CCDC146: variants seen among roughly 807,000 people sequenced by gnomAD.
CCDC146 encodes the protein coiled-coil domain-containing protein 146.
Under a neutral mutation model 119.3 loss-of-function variants are expected in CCDC146, and 92 were observed. The ratio of observed to expected loss-of-function variants is 0.77; its 90% CI spans 0.65 to 0.92. CCDC146 has a LOEUF of 0.92. Among genes scored for constraint, CCDC146 ranks in the 40% least tolerant of loss-of-function variants. CCDC146 has a pLI of 0.00. For missense variants in CCDC146, 1,000 were observed against 1,103.0 expected (o/e 0.91, Z 1.32); for synonymous variants, 372 against 371.8 (o/e 1.00, Z -0.01).
intron 11 of CCDC146, among the ~76,000 whole-genome samples, chr7:77,277,101 G>A (rs1383559454): frequency 6.6e-6 from 1 of 151,804 alleles, no homozygotes; most frequent in Non-Finnish European, 1.5e-5. Flanking sequence ...TAAGAAGGAA[G>A]GAAGGGAGGG....
chr7:77,160,377 G>T (rs1791242704), intron 1 of CCDC146, among the ~76,000 whole-genome samples: 2 of 152,130 alleles, frequency 1.3e-5, no homozygotes, highest in African/African-American at 4.8e-5. Flanking sequence ...CCATTTTCAT[G>T]ATATTGATTC....
intron 12 of CCDC146, 34 bp from the exon 13 acceptor site, chr7:77,278,903 C>A: frequency 1.2e-6 from 2 of 1,601,070 alleles, no homozygotes; most frequent in South Asian, 2.2e-5. Context: ...ATGTTCATTT[C>A]ATAAGTTTCA....
chr7:77,261,527 G>A (rs1364058401), intron 8 of CCDC146, among the ~76,000 whole-genome samples: 1 of 152,048 alleles, frequency 6.6e-6, no homozygotes, highest in African/African-American at 2.4e-5. Flanking sequence ...CCGGACTGCG[G>A]ACTGCAGTGG....
intron 9 of CCDC146, among the ~76,000 whole-genome samples, chr7:77,262,986 C>T (rs987063930): frequency 4.0e-5 from 6 of 151,726 alleles, no homozygotes; most frequent in South Asian, 2.1e-4. Flanking sequence ...CTTCCTTGAG[C>T]GAAAAAGGGG....
chr7:77,278,834 A>T lies in CCDC146; in HGVS notation c.1523A>T (p.Tyr508Phe), dbSNP rs1458929576. 1.2e-6 allele frequency: 2 copies of T among 1,610,898 alleles called. No individual in the cohort carries two copies. Among genetic ancestry groups the T allele is most frequent in the South Asian group, 2.2e-5 (2 of 90,866 alleles). The change falls in exon 12 of 19, where the codon TAT becomes TTT. Residue 508 changes from tyrosine (Y) to phenylalanine (F), a missense_variant. This residue lies in a region of CCDC146 where 985 missense variants were observed against 1,045.3 expected (regional missense o/e 0.94). Coordinates refer to ENST00000285871, the MANE Select transcript of CCDC146 (RefSeq NM_020879.3). ...RIHKKKKCEI[Y>F]RRLREFAKLY... ...CACAAGAAGAAAAAATGTGAAATTT[A>T]TCGGAGGTAAAGTAATTATGTGGTG... is the stretch of plus-strand genomic sequence containing the variant.
At chr7:77,170,105 T>C (rs1478146118) in intron 2 of CCDC146, among the ~76,000 whole-genome samples, 2 of 152,256 alleles carry the variant, frequency 1.3e-5, no homozygotes, top group African/African-American at 4.8e-5. Flanking sequence ...CGGTAGGTAG[T>C]TTTTCAACCC....
chr7:77,219,334 A>T (rs1228375679), intron 2 of CCDC146, among the ~76,000 whole-genome samples: 1 of 151,692 alleles, frequency 6.6e-6, no homozygotes, highest in African/African-American at 2.4e-5. Flanking sequence ...TTAAAATTAT[A>T]CTTTGTTATG....
At chr7:77,176,331 A>G (rs1791499237) in intron 2 of CCDC146, among the ~76,000 whole-genome samples, 1 of 151,276 alleles carries the variant, frequency 6.6e-6, no homozygotes, top group African/African-American at 2.5e-5. Context: ...GAGACTGCAC[A>G]GTGGCATTGG....
At chr7:77,215,167 TG>T (rs1269867805) in intron 2 of CCDC146, among the ~76,000 whole-genome samples, 3 of 146,798 alleles carry the variant, frequency 2.0e-5, no homozygotes, top group East Asian at 2.0e-4. Flanking sequence ...AGAGGTGTTG[TG>T]GGGTGTTTTT....
chr7:77,263,456 G>C (rs925439380), intron 9 of CCDC146, among the ~76,000 whole-genome samples: 7 of 152,182 alleles, frequency 4.6e-5, no homozygotes, highest in African/African-American at 1.7e-4. Context: ...AGCTTTGGTA[G>C]TTCGAAGCCA....
chr7:77,239,462 G>A (rs1387712302), intron 3 of CCDC146, among the ~76,000 whole-genome samples: 1 of 152,220 alleles, frequency 6.6e-6, no homozygotes, highest in Non-Finnish European at 1.5e-5. Flanking sequence ...ATGCTATTGA[G>A]CAAATGACAT....
At chr7:77,210,851 G>T (rs911209046) in intron 2 of CCDC146, among the ~76,000 whole-genome samples, 3 of 152,088 alleles carry the variant, frequency 2.0e-5, no homozygotes, top group Non-Finnish European at 4.4e-5. Context: ...TGTGAAAGGG[G>T]AGGTGCTACA....
chr7:77,270,046 G>A (rs1334801741), intron 9 of CCDC146, among the ~76,000 whole-genome samples: 5 of 152,162 alleles, frequency 3.3e-5, no homozygotes, highest in Admixed American at 6.5e-5. Flanking sequence ...CTCCTATGGC[G>A]TTTGACTTGT....
intron 2 of CCDC146, chr7:77,199,146 A>G: frequency 6.4e-7 from 1 of 1,564,806 alleles, no homozygotes; most frequent in Non-Finnish European, 8.7e-7. Flanking sequence ...TATAACATTT[A>G]TGAACATATG....
At chr7:77,262,384 T>C (rs1793317391) in intron 9 of CCDC146, 77 bp downstream of exon 9, 1 of 1,207,296 alleles carries the variant, frequency 8.3e-7, no homozygotes. Flanking sequence ...GGAAGTTGTT[T>C]TTGCTGCCAG....
At chr7:77,185,732 G>A (rs777438534) in intron 2 of CCDC146, among the ~76,000 whole-genome samples, 5 of 152,182 alleles carry the variant, frequency 3.3e-5, no homozygotes, top group South Asian at 2.1e-4. Flanking sequence ...AAAACATGAC[G>A]TCACCAAATG....
At chr7:77,146,675 G>A (rs1436763414) in intron 1 of CCDC146, among the ~76,000 whole-genome samples, 3 of 151,842 alleles carry the variant, frequency 2.0e-5, no homozygotes, top group Non-Finnish European at 4.4e-5. Flanking sequence ...ATGAAGCTTA[G>A]TTTGGCTGGA....
In CCDC146 at chr7:77,272,253, A is replaced by C. The variant is rs1584133719; in HGVS notation, c.1174-1441A>C. ...TGTATATTGTCAGACATGTTTCACA[A>C]GACCACATCTCGTTTTCCTAAGTCC... is the stretch of plus-strand genomic sequence containing the variant. On this transcript the variant is annotated intron_variant, in intron 9 of 18. Transcript: ENST00000285871. 5.3e-5 allele frequency among the ~76,000 whole-genome samples: 8 copies of C among 152,194 alleles called. No individual in the cohort carries two copies. In the South Asian group the frequency reaches 1.7e-3, roughly 31 times the overall value.
chr7:77,215,079 T>C (rs1440799307), intron 2 of CCDC146, among the ~76,000 whole-genome samples: 3 of 152,154 alleles, frequency 2.0e-5, no homozygotes, highest in African/African-American at 7.2e-5. Flanking sequence ...TTGGTTACCC[T>C]GCTGTAGAGG....
Sources: allele counts gnomAD v4.1 joint callset (sites outside exome capture counted in the v4.1 genomes callset), GRCh38; gene constraint gnomAD v4.1.1; regional missense constraint gnomAD v4.1.1; transcripts MANE v1.5; gene names NCBI Gene and HGNC (gene_info 2026-07-23, HGNC 2026-07-21).